Variants in C11orf54 observed in about 807,000 individuals in gnomAD.
C11orf54 encodes the protein beta-keto-L-gulonate decarboxylase.
Under a neutral mutation model 35.5 loss-of-function variants are expected in C11orf54, and 29 were observed. The observed-to-expected ratio is 0.82, with a 90% CI of 0.61 to 1.11. The LOEUF (loss-of-function observed/expected upper bound fraction) is 1.11, where lower values mean the gene tolerates loss of function less well. Ranked by LOEUF, C11orf54 falls within the 50% of genes most tolerant of loss-of-function variation. C11orf54 has a pLI of 0.00. For missense variants in C11orf54, 373 were observed against 369.2 expected (o/e 1.01, Z -0.08); for synonymous variants, 108 against 121.1 (o/e 0.89, Z 0.71).
At position 93,741,686 on chromosome 11, in the gene C11orf54, C is replaced by G. The variant is rs887972575; in HGVS notation, c.-140C>G. 2.8e-6 allele frequency: 1 copy of G among 356,204 alleles called. No individual in the cohort carries two copies. Among genetic ancestry groups the G allele is most frequent in the Non-Finnish European group, 5.5e-6 (1 of 180,376 alleles). 22.1% of individuals were successfully genotyped at this position (356,204 alleles called of 1,614,324 possible). ...TCTGAGGAGGCGGGGTTGGCCTAGG[C>G]GAAGATCCGGACTCTGGGTGTTTTG... On this transcript the variant is annotated 5_prime_UTR_variant, in exon 1 of 9. Coordinates refer to ENST00000354421, the MANE Select transcript of C11orf54 (RefSeq NM_001286069.2).
At chr11:93,747,992 G>C (rs562981552) in intron 2 of C11orf54, among the ~76,000 whole-genome samples, 1 of 152,208 alleles carries the variant, frequency 6.6e-6, no homozygotes, top group Non-Finnish European at 1.5e-5. Flanking sequence ...AATGAAGCCA[G>C]GAATAGTTGT....
intron 6 of C11orf54, among the ~76,000 whole-genome samples, chr11:93,757,017 G>A (rs772037972): frequency 6.6e-6 from 1 of 152,126 alleles, no homozygotes. Flanking sequence ...CGACACGTAT[G>A]TTAAGAGTCT....
At chr11:93,746,671 T>C (rs1942487687) in intron 1 of C11orf54, 1 of 152,234 alleles carries the variant, frequency 6.6e-6, no homozygotes, top group Admixed American at 6.5e-5. Flanking sequence ...AAATAAAAAT[T>C]TGAATTTCAA....
intron 1 of C11orf54, among the ~76,000 whole-genome samples, chr11:93,744,920 T>C (rs1305769947): frequency 6.6e-6 from 1 of 151,874 alleles, no homozygotes; most frequent in Non-Finnish European, 1.5e-5. Context: ...GAGAACAGGG[T>C]GATGGTGGGG....
chr11:93,752,628 C>G (rs547447786), intron 3 of C11orf54, among the ~76,000 whole-genome samples: 1 of 151,818 alleles, frequency 6.6e-6, no homozygotes, highest in South Asian at 2.1e-4. Context: ...GAATTCTTTC[C>G]TTAGCCTCTT....
rs540488481 is a variant in C11orf54, at chr11:93,746,024, G to C, written c.-97-1273G>C. Reference sequence around the variant, plus strand: ...AATAAACAGTTATATATATTTGGGAGATTAGATTACATGTATTAAATCAAG... The same window carrying C: ...AATAAACAGTTATATATATTTGGGACATTAGATTACATGTATTAAATCAAG... On this transcript the variant is annotated intron_variant, in intron 1 of 8. Coordinates refer to ENST00000354421, the MANE Select transcript of C11orf54 (RefSeq NM_001286069.2). 1.8e-4 allele frequency: 27 copies of C among 152,306 alleles called. No individual in the cohort carries two copies. The East Asian group carries it at 4.2e-3, about 24-fold the overall frequency. The allele number at this position is 152,306 out of a possible 1,614,324, so 9.4% of individuals were successfully genotyped here. A position where few individuals can be genotyped will look rare whatever the true frequency, so the allele number is the denominator to read the frequency against.
intron 1 of C11orf54, chr11:93,746,857 T>C (rs1207211810): frequency 6.6e-6 from 1 of 152,280 alleles, no homozygotes; most frequent in Non-Finnish European, 1.5e-5. Context: ...ACAAATCCTA[T>C]ATGTACTGTT....
Position 93,761,741 on chromosome 11 carries a change from G to T in C11orf54, c.*53G>T. On this transcript the variant is annotated 3_prime_UTR_variant, in exon 9 of 9. Transcript: ENST00000354421. ...AATAATTAAGGTTAATTAATTGATT[G>T]ACTTATTAATTAATACTGATATAAA... 2.8e-6 allele frequency: 4 copies of T among 1,441,166 alleles called. No homozygotes were observed. The South Asian group carries it at 4.1e-5, about 15-fold the overall frequency. The allele number at this position is 1,441,166 out of a possible 1,614,324, so 89.3% of individuals were successfully genotyped here.
intron 1 of C11orf54, chr11:93,746,143 A>G (rs941480042): frequency 3.2e-4 from 49 of 152,388 alleles, no homozygotes; most frequent in Middle Eastern, 3.4e-3. Flanking sequence ...GTTGTTGGAA[A>G]GTACCAGAAC....
At chr11:93,757,281 A>G (rs1943204399) in intron 6 of C11orf54, 35 bp from the exon 7 acceptor site, 2 of 1,572,158 alleles carry the variant, frequency 1.3e-6, no homozygotes, top group Admixed American at 1.9e-5. Context: ...ATTTTGCAGC[A>G]TAGTCAATGG....
intron 1 of C11orf54, among the ~76,000 whole-genome samples, chr11:93,744,833 T>C (rs984241358): frequency 2.6e-5 from 4 of 152,228 alleles, no homozygotes; most frequent in Admixed American, 6.5e-5. Flanking sequence ...TGCGAGGACC[T>C]GCACCGGCAC....
At chr11:93,757,283 A>T (rs1489470681) in intron 6 of C11orf54, 33 bp from the exon 7 acceptor site, 1 of 1,578,422 alleles carries the variant, frequency 6.3e-7, no homozygotes, top group Non-Finnish European at 8.5e-7. Flanking sequence ...TTTGCAGCAT[A>T]GTCAATGGTA....
rs781744536 is a variant in C11orf54 at position 93,747,367 on chromosome 11, C to T, written c.-27C>T. On this transcript the variant is annotated 5_prime_UTR_variant, in exon 2 of 9. Transcript: ENST00000354421. ...TTAACCAAGAGTAGCTCTATTTGTC[C>T]AACCTCACACCTAAAGAAGAAAGAA... is the stretch of plus-strand genomic sequence containing the variant. The T allele has an allele frequency of 2.6e-5, 41 of 1,562,774 alleles. No homozygotes were observed. Among genetic ancestry groups the T allele is most frequent in the Admixed American group, 4.0e-5 (2 of 50,454 alleles).
chr11:93,758,270 C>A (rs1943261454), intron 7 of C11orf54, among the ~76,000 whole-genome samples: 1 of 152,188 alleles, frequency 6.6e-6, no homozygotes, highest in Non-Finnish European at 1.5e-5. Context: ...TCCGTTGGTG[C>A]CGCTGCAATC....
chr11:93,753,913 T>G, intron 4 of C11orf54, 23 bp from the exon 5 acceptor site: 1 of 1,602,726 alleles, frequency 6.2e-7, no homozygotes, highest in Non-Finnish European at 8.5e-7. Context: ...GTGACTTAAA[T>G]AATATTTTTT....
In C11orf54 at chr11:93,761,506, T is replaced by C. The variant is rs200071815; in HGVS notation, c.775-9T>C. On this transcript the variant is annotated splice_polypyrimidine_tract_variant and intron_variant, in intron 8 of 8. Transcript: ENST00000354421. ...TGAGTACTAACATATTGTTTGTCTG[T>C]TATCTTAGGGGTTTGATTTGCGACT... is the stretch of plus-strand genomic sequence containing the variant. 209 of 1,592,562 alleles carry C rather than the reference T, an allele frequency of 1.3e-4. No individual in the cohort carries two copies. The highest frequency in any genetic ancestry group is 1.7e-4 in the Non-Finnish European group (197 of 1,170,828).
intron 6 of C11orf54, among the ~76,000 whole-genome samples, chr11:93,755,927 G>A (rs1308794283): frequency 6.6e-6 from 1 of 151,988 alleles, no homozygotes; most frequent in Non-Finnish European, 1.5e-5. Flanking sequence ...AGCATTTTGG[G>A]AGGCCAAGGT....
chr11:93,755,862 G>T (rs1388406904), intron 6 of C11orf54, among the ~76,000 whole-genome samples: 1 of 151,760 alleles, frequency 6.6e-6, no homozygotes, highest in Non-Finnish European at 1.5e-5. Context: ...TCATCTTTAA[G>T]GTTAAGAATA....
At chr11:93,745,055 G>A (rs922234274) in intron 1 of C11orf54, among the ~76,000 whole-genome samples, 4 of 152,208 alleles carry the variant, frequency 2.6e-5, no homozygotes, top group Admixed American at 6.5e-5. Context: ...ACATCTCAGT[G>A]TAGCAAAGAG....
Sources: allele counts gnomAD v4.1 joint callset (sites outside exome capture counted in the v4.1 genomes callset), GRCh38; gene constraint gnomAD v4.1.1; transcripts MANE v1.5; gene names NCBI Gene and HGNC (gene_info 2026-07-23, HGNC 2026-07-21).